The following CYFIP2 variants were observed in gnomAD, a reference collection of about 807,000 sequenced individuals.
The protein encoded by CYFIP2 is cytoplasmic FMR1 interacting protein 2, also known as cytoplasmic FMR1-interacting protein 2.
Under a neutral mutation model 158.7 loss-of-function variants are expected in CYFIP2, and 29 were observed. That is an observed-to-expected ratio of 0.18 (90% CI 0.14 to 0.25). The LOEUF (loss-of-function observed/expected upper bound fraction) is 0.25, where lower values mean the gene tolerates loss of function less well. Among genes scored for constraint, CYFIP2 ranks in the 10% least tolerant of loss-of-function variants. CYFIP2 has a pLI of 1.00. For synonymous variants in CYFIP2, 585 were observed against 617.6 expected (o/e 0.95, Z 0.78); for missense variants, 852 against 1,639.5 (o/e 0.52, Z 8.29).
rs11551376 is a variant in CYFIP2, at chr5:157,266,547, G to A, written c.-24+352G>A. Reference sequence around the variant, plus strand: ...CTCAGGGACCGGAGACACCTGCAGCGGCCGCGAGCCCGGCAGCGGCGACAT... The same window carrying A: ...CTCAGGGACCGGAGACACCTGCAGCAGCCGCGAGCCCGGCAGCGGCGACAT... On this transcript the variant is annotated intron_variant, in intron 1 of 30. Coordinates refer to ENST00000620254, the MANE Select transcript of CYFIP2 (RefSeq NM_001037333.3). This position sits in a 1 kb window ranked among gnomAD's most constrained non-coding sequence, Gnocchi z 4.2. 20,613 of 152,386 alleles carry A rather than the reference G, an allele frequency of 0.14. 1,436 individuals are homozygous for A. The highest frequency in any genetic ancestry group is 0.17 in the Admixed American group (2,666 of 15,302). 9.4% of individuals were successfully genotyped at this position (152,386 alleles called of 1,614,324 possible).
chr5:157,330,629 A>C (rs1237704481), intron 19 of CYFIP2, 113 bp from the exon 20 acceptor site: 1 of 769,034 alleles, frequency 1.3e-6, no homozygotes, highest in African/African-American at 1.8e-5. Context: ...TACTTAAGTT[A>C]TATAAGATAG....
chr5:157,314,235 G>A (rs1306771302), intron 11 of CYFIP2, 109 bp from the exon 12 acceptor site: 51 of 1,375,614 alleles, frequency 3.7e-5, no homozygotes, highest in South Asian at 2.7e-4. Context: ...TATCTGTCAA[G>A]GGGATGTAAT....
At chr5:157,282,218 C>CGAAA (rs1276400169) in intron 1 of CYFIP2, among the ~76,000 whole-genome samples, 3 of 152,162 alleles carry the variant, frequency 2.0e-5, no homozygotes, top group Non-Finnish European at 4.4e-5. Context: ...CTGGGGAGGC[C>CGAAA]ACAGAAAGCT....
chr5:157,335,875 A>G (rs1008597162), intron 21 of CYFIP2, among the ~76,000 whole-genome samples: 2 of 152,116 alleles, frequency 1.3e-5, no homozygotes, highest in African/African-American at 4.8e-5. Context: ...ATGGGAAAAA[A>G]AAGATTTGGG....
chr5:157,366,547 G>A (rs1210599831), intron 26 of CYFIP2, among the ~76,000 whole-genome samples: 3 of 152,254 alleles, frequency 2.0e-5, no homozygotes, highest in Non-Finnish European at 4.4e-5. Flanking sequence ...TGTGTTTAAT[G>A]GGAAGTATAA....
intron 1 of CYFIP2, among the ~76,000 whole-genome samples, chr5:157,273,610 T>G (rs1756293154): frequency 6.6e-6 from 1 of 151,948 alleles, no homozygotes; most frequent in Non-Finnish European, 1.5e-5. Context: ...CTATTACTCT[T>G]TTCCTCCCCT....
intron 23 of CYFIP2, among the ~76,000 whole-genome samples, chr5:157,357,146 T>C (rs1297638806): frequency 6.6e-6 from 1 of 152,228 alleles, no homozygotes; most frequent in Non-Finnish European, 1.5e-5. Context: ...AAGAGAACTA[T>C]TACTGAACCT....
intron 15 of CYFIP2, among the ~76,000 whole-genome samples, chr5:157,323,619 C>T (rs979810130): frequency 1.3e-5 from 2 of 152,166 alleles, no homozygotes; most frequent in African/African-American, 4.8e-5. Context: ...GGAGTGACTC[C>T]AGGGTGACAC....
At chr5:157,392,538 T>C (rs1305584599) in intron 30 of CYFIP2, among the ~76,000 whole-genome samples, 1 of 152,224 alleles carries the variant, frequency 6.6e-6, no homozygotes, top group African/African-American at 2.4e-5. Context: ...ATATGTGTAA[T>C]AGTGTATTTC....
intron 21 of CYFIP2, among the ~76,000 whole-genome samples, chr5:157,338,721 T>C (rs1248239811): frequency 6.6e-6 from 1 of 152,196 alleles, no homozygotes; most frequent in East Asian, 1.9e-4. Context: ...CTCACCAACA[T>C]AGAAACTGGA....
At chr5:157,312,340 A>G (rs1191314316) in intron 11 of CYFIP2, among the ~76,000 whole-genome samples, 1 of 151,338 alleles carries the variant, frequency 6.6e-6, no homozygotes, top group South Asian at 2.1e-4. Context: ...TTTTTTTTTA[A>G]TGGAGACATG....
At chr5:157,287,182 C>A in intron 3 of CYFIP2, 74 bp downstream of exon 3, 1 of 1,199,384 alleles carries the variant, frequency 8.3e-7, no homozygotes, top group Non-Finnish European at 1.2e-6. Context: ...GCTTCTCACA[C>A]CAGAGGCATG....
At position 157,287,098 on chromosome 5, in the gene CYFIP2, A is replaced by G. The variant is rs1465794047; in HGVS notation, c.197A>G (p.His66Arg). 6.2e-7 allele frequency: 1 copy of G among 1,612,910 alleles called. No homozygotes were observed. The highest frequency in any genetic ancestry group is 1.3e-5 in the African/African-American group (1 of 74,852). The change falls in exon 3 of 31, where the codon CAC (histidine) becomes CGC (arginine). Residue 66 changes from histidine to arginine, a missense_variant. His to Arg is a conservative substitution (Grantham distance 29). Transcript: ENST00000620254. Reference protein sequence around the residue: ...IARYIEQATVHSSMNEMLEEG... With the variant: ...IARYIEQATVRSSMNEMLEEG... Reference sequence around the variant, plus strand: ...AGGTACATTGAGCAGGCTACAGTCCACTCCAGCATGGTAAGTCTCTGTGAC... The same window carrying G: ...AGGTACATTGAGCAGGCTACAGTCCGCTCCAGCATGGTAAGTCTCTGTGAC...
At position 157,379,668 on chromosome 5, in the gene CYFIP2, C is replaced by CAAAAAAAAAAAAAA. The variant is rs70984468; in HGVS notation, c.3040-2910_3040-2897dup. Among the ~76,000 whole-genome samples, 54 of 73,636 alleles carry CAAAAAAAAAAAAAA rather than the reference C, an allele frequency of 7.3e-4. 1 individual carries two copies. Among genetic ancestry groups the CAAAAAAAAAAAAAA allele is most frequent in the African/African-American group, 2.7e-3 (53 of 19,302 alleles). 48.3% of individuals were successfully genotyped at this position (73,636 alleles called of 152,430 possible). ...CAGGCAAGGGAGCAAGACCCTGTCT[C>CAAAAAAAAAAAAAA]AAAAAAAAAAAAAAAAAAAAAAAAA... On this transcript the variant is annotated intron_variant, in intron 26 of 30. Coordinates refer to ENST00000620254, the MANE Select transcript of CYFIP2 (RefSeq NM_001037333.3).
At chr5:157,294,694 C>T in intron 3 of CYFIP2, 89 bp from the exon 4 acceptor site, 4 of 1,051,370 alleles carry the variant, frequency 3.8e-6, no homozygotes, top group Non-Finnish European at 5.8e-6. Context: ...GTCCATGGAC[C>T]ATACCATAAC....
chr5:157,307,856 A>G lies in CYFIP2; in HGVS notation c.891A>G (p.Lys297=). The G allele has an allele frequency of 3.1e-6, 5 of 1,595,112 alleles. No individual in the cohort carries two copies. The highest frequency in any genetic ancestry group is 4.3e-6 in the Non-Finnish European group (5 of 1,167,216). ...GAATTAATCTTAGCAAAATTGATAA[A>G]TTCTTTAAGGTCAGCAACTGGGGCT... ...KKRINLSKID[K]FFKQLQVVPL... Residue 297 remains lysine, a synonymous_variant, in exon 9 of 31, where the codon AAA becomes AAG. Transcript: ENST00000620254.
intron 20 of CYFIP2, among the ~76,000 whole-genome samples, chr5:157,331,387 A>G (rs1420527378): frequency 4.0e-5 from 6 of 149,656 alleles, no homozygotes; most frequent in African/African-American, 1.5e-4. Flanking sequence ...CAGACAGCAT[A>G]AGAGATGCCC....
chr5:157,389,766 C>G lies in CYFIP2; in HGVS notation c.3446+339C>G, dbSNP rs76339092. 3.1e-4 allele frequency: 61 copies of G among 195,522 alleles called. 1 individual carries two copies. The East Asian group carries it at 6.4e-3, about 20-fold the overall frequency. The allele number at this position is 195,522 out of a possible 1,614,324, so 12.1% of individuals were successfully genotyped here. A position where few individuals can be genotyped will look rare whatever the true frequency, so the allele number is the denominator to read the frequency against. On this transcript the variant is annotated intron_variant, in intron 29 of 30. Transcript: ENST00000620254. ...TGGAAAGGCAGACAAGGCCTCCCCT[C>G]CAGCAGCCAAGAGCTCTAGGAAAAA... is the stretch of plus-strand genomic sequence containing the variant.
At chr5:157,295,951 G>A (rs1014816609) in intron 4 of CYFIP2, among the ~76,000 whole-genome samples, 1 of 152,218 alleles carries the variant, frequency 6.6e-6, no homozygotes, top group Non-Finnish European at 1.5e-5. Flanking sequence ...TAGGTCTAGG[G>A]GAGCTTTGTC....
Sources: allele counts gnomAD v4.1 joint callset (sites outside exome capture counted in the v4.1 genomes callset), GRCh38; gene constraint gnomAD v4.1.1; non-coding constraint Gnocchi (gnomAD v3.1); transcripts MANE v1.5; gene names NCBI Gene and HGNC (gene_info 2026-07-23, HGNC 2026-07-21).